The following DNAJB1 variants were observed in gnomAD, a reference collection of about 807,000 sequenced individuals.
DNAJB1 encodes the protein dnaJ homolog subfamily B member 1.
A neutral mutation model predicts 24.0 loss-of-function variants in DNAJB1; 14 were observed. The observed-to-expected ratio is 0.58, with a 90% CI of 0.39 to 0.91. The LOEUF (loss-of-function observed/expected upper bound fraction) is 0.91. Ranked by LOEUF, DNAJB1 falls within the 40% of genes least tolerant of loss-of-function variation. The pLI, the probability that DNAJB1 is intolerant of heterozygous loss-of-function variation, is 0.00. For missense variants in DNAJB1, 517 were observed against 458.1 expected (o/e 1.13, Z -1.17); for synonymous variants, 262 against 174.4 (o/e 1.50, Z -3.96).
In DNAJB1 at chr19:14,516,682, G is replaced by A; in HGVS notation, c.576C>T (p.Pro192=). The A allele has an allele frequency of 1.2e-6, 2 of 1,614,146 alleles. No individual in the cohort carries two copies. The highest frequency in any genetic ancestry group is 8.5e-7 in the Non-Finnish European group (1 of 1,180,030). ...KMKISHKRLN[P]DGKSIRNEDK... is the part of the protein sequence containing the mutation. Reference sequence around the variant, plus strand: ...CTTCGTTTCGAATGCTCTTTCCGTCGGGGTTTAGCCGCTTGTGGGAGATTT... The same window carrying A: ...CTTCGTTTCGAATGCTCTTTCCGTCAGGGTTTAGCCGCTTGTGGGAGATTT... The change falls in exon 2 of 3, where the codon CCC becomes CCT. Residue 192 remains proline, a synonymous_variant. Transcript: ENST00000254322.
upstream of DNAJB1, among the ~76,000 whole-genome samples, chr19:14,520,376 G>T (rs1454405725): frequency 2.0e-5 from 3 of 152,178 alleles, no homozygotes; most frequent in African/African-American, 7.2e-5. Context: ...GGAATTTGAG[G>T]CTGCAGGCAG....
At chr19:14,549,137 G>A (rs994107755) in intron 1 of DNAJB1, among the ~76,000 whole-genome samples, 1 of 151,600 alleles carries the variant, frequency 6.6e-6, no homozygotes, top group Non-Finnish European at 1.5e-5. Context: ...TTGCCCTATC[G>A]GCTGTAGTTT....
At chr19:14,539,973 G>T (rs376608128) in intron 1 of DNAJB1, among the ~76,000 whole-genome samples, 17 of 151,048 alleles carry the variant, frequency 1.1e-4, no homozygotes, top group Middle Eastern at 6.8e-3. Context: ...TCCACCTCCC[G>T]GGTTCAAGTG....
At chr19:14,533,252 C>G (rs1464033852), upstream of DNAJB1, among the ~76,000 whole-genome samples, 2 of 152,004 alleles carry the variant, frequency 1.3e-5, no homozygotes, top group Non-Finnish European at 2.9e-5. Context: ...GAAACTCCGT[C>G]TCTACAAAAA....
At chr19:14,519,318 G>A (rs994114499), upstream of DNAJB1, among the ~76,000 whole-genome samples, 6 of 152,284 alleles carry the variant, frequency 3.9e-5, no homozygotes, top group African/African-American at 1.4e-4. Context: ...GCAGTGAGCC[G>A]AGATCCGGCC....
chr19:14,560,164 C>T (rs560304948), exon 1 of DNAJB1, among the ~76,000 whole-genome samples: 14 of 152,316 alleles, frequency 9.2e-5, no homozygotes, highest in South Asian at 4.1e-4. Flanking sequence ...AGCAGCTAGC[C>T]GGGACCCCGA....
upstream of DNAJB1, among the ~76,000 whole-genome samples, chr19:14,520,952 C>T (rs978136047): frequency 3.3e-5 from 5 of 152,232 alleles, no homozygotes; most frequent in African/African-American, 1.2e-4. Context: ...ATGATTGTGC[C>T]ACTGCTCTCC....
chr19:14,547,661 A>ATTT (rs71166755), intron 1 of DNAJB1, among the ~76,000 whole-genome samples: 20 of 142,944 alleles, frequency 1.4e-4, no homozygotes, highest in South Asian at 4.4e-4. Context: ...TGTACCTAAT[A>ATTT]TTTTTTTTTT....
intron 1 of DNAJB1, among the ~76,000 whole-genome samples, chr19:14,542,347 G>GTGTTTTTTTTTT (rs2073125545): frequency 2.3e-5 from 1 of 43,282 alleles, no homozygotes; most frequent in African/African-American, 8.1e-5. Flanking sequence ...ATGCCATAGT[G>GTGTTTTTTTTTT]TTTTTTTTTT....
upstream of DNAJB1, among the ~76,000 whole-genome samples, chr19:14,551,963 C>CTCTCTCTT (rs2073534804): frequency 8.2e-6 from 1 of 121,494 alleles, no homozygotes; most frequent in African/African-American, 3.0e-5. Context: ...CTCTCTCTCT[C>CTCTCTCTT]TCTCTCTCTT....
intron 1 of DNAJB1, among the ~76,000 whole-genome samples, chr19:14,535,229 C>T (rs181894237): frequency 3.3e-5 from 5 of 151,074 alleles, no homozygotes; most frequent in South Asian, 4.2e-4. Context: ...AAAAATTGGC[C>T]GGGTGCAGTG....
chr19:14,521,645 GA>G (rs2072361548), upstream of DNAJB1, among the ~76,000 whole-genome samples: 1 of 152,004 alleles, frequency 6.6e-6, no homozygotes, highest in African/African-American at 2.4e-5. Context: ...TTTTGAGATG[GA>G]GTTTCACTCT....
chr19:14,527,818 C>T (rs900251639), intron 1 of DNAJB1: 3 of 152,190 alleles, frequency 2.0e-5, no homozygotes, highest in African/African-American at 4.8e-5. Context: ...GATCTGGAAA[C>T]AAGAGTAAGG....
exon 1 of DNAJB1, among the ~76,000 whole-genome samples, chr19:14,560,248 C>T (rs1410753168): frequency 1.3e-5 from 2 of 152,220 alleles, no homozygotes; most frequent in African/African-American, 4.8e-5. Flanking sequence ...TCACCCCTCC[C>T]ACTAGCAGCT....
At chr19:14,541,603 G>T (rs1254720622) in intron 1 of DNAJB1, among the ~76,000 whole-genome samples, 3 of 152,132 alleles carry the variant, frequency 2.0e-5, no homozygotes, top group African/African-American at 7.2e-5. Context: ...TTTCATTTAA[G>T]CCAAGGCCTG....
chr19:14,556,193 G>A (rs868216156), intron 1 of DNAJB1, among the ~76,000 whole-genome samples: 8 of 152,068 alleles, frequency 5.3e-5, no homozygotes, highest in African/African-American at 1.9e-4. Flanking sequence ...TTCCTGCTCA[G>A]CCACGCTAGG....
chr19:14,549,842 C>T (rs1313348774), intron 1 of DNAJB1, among the ~76,000 whole-genome samples: 1 of 151,874 alleles, frequency 6.6e-6, no homozygotes, highest in Non-Finnish European at 1.5e-5. Flanking sequence ...ACTCAGGAGG[C>T]TGAGGCAGGA....
At chr19:14,529,577 G>A (rs761057001), upstream of DNAJB1, 1 of 1,502,464 alleles carries the variant, frequency 6.7e-7, no homozygotes, top group African/African-American at 1.4e-5. Context: ...GGAGGGGCGG[G>A]GCGGACGCAG....
upstream of DNAJB1, chr19:14,531,878 C>T (rs973562710): frequency 8.6e-5 from 13 of 151,842 alleles, no homozygotes; most frequent in African/African-American, 3.1e-4. Flanking sequence ...ACCTGTAGTC[C>T]CACTACTGTA....
Sources: allele counts gnomAD v4.1 joint callset (sites outside exome capture counted in the v4.1 genomes callset), GRCh38; gene constraint gnomAD v4.1.1; transcripts MANE v1.5; gene names NCBI Gene and HGNC (gene_info 2026-07-23, HGNC 2026-07-21).